Variants in SERPINB10 observed in about 807,000 individuals in gnomAD.
SERPINB10 encodes the protein serpin B10.
SERPINB10 carries 35 observed loss-of-function variants against 39.1 expected under a neutral mutation model. That is an observed-to-expected ratio of 0.90 (90% confidence interval 0.68 to 1.19). SERPINB10 has a LOEUF of 1.19. SERPINB10 is among the 50% of genes most tolerant of loss of function. The probability of loss-of-function intolerance (pLI) is 0.00; values close to 1 mark genes in which losing one functional copy is unlikely to be tolerated. For missense variants in SERPINB10, 546 were observed against 460.5 expected (o/e 1.19, Z -1.70); for synonymous variants, 190 against 158.1 (o/e 1.20, Z -1.52).
intron 5 of SERPINB10, among the ~76,000 whole-genome samples, chr18:63,926,278 G>C (rs1237615479): frequency 6.6e-6 from 1 of 151,816 alleles, no homozygotes; most frequent in East Asian, 1.9e-4. Flanking sequence ...CTTGTTATCT[G>C]TATCTCTCTT....
At chr18:63,911,243 T>G (rs9949197) in intron 1 of SERPINB10, among the ~76,000 whole-genome samples, 48,121 of 151,978 alleles carry the variant, frequency 0.32, 9,937 homozygotes, top group African/African-American at 0.59. Context: ...GTCTGTTTAC[T>G]CTGTTGATAG....
chr18:63,935,431 C>T lies in SERPINB10; in HGVS notation c.*189C>T, dbSNP rs764995261. On this transcript the variant is annotated 3_prime_UTR_variant, in exon 8 of 8. Coordinates refer to ENST00000238508, the MANE Select transcript of SERPINB10 (RefSeq NM_005024.3). ...ATATCTGTACAGCTGGAGAGAATGA[C>T]GATTTTTATTTTTAACACGTTAACA... The T allele has an allele frequency of 2.7e-5, 14 of 527,296 alleles. No homozygotes were observed. Among genetic ancestry groups the T allele is most frequent in the East Asian group, 2.6e-4 (8 of 31,200 alleles). 32.7% of individuals were successfully genotyped at this position (527,296 alleles called of 1,614,324 possible).
At chr18:63,918,982 T>C (rs563171020) in intron 4 of SERPINB10, among the ~76,000 whole-genome samples, 4 of 152,148 alleles carry the variant, frequency 2.6e-5, no homozygotes, top group Admixed American at 2.6e-4. Context: ...AAGTTTTCCT[T>C]TTATTAGATT....
At chr18:63,929,120 A>G (rs924229468) in intron 5 of SERPINB10, among the ~76,000 whole-genome samples, 1 of 152,080 alleles carries the variant, frequency 6.6e-6, no homozygotes, top group Non-Finnish European at 1.5e-5. Flanking sequence ...TCTTTCCAAC[A>G]GCTACAAATA....
intron 1 of SERPINB10, among the ~76,000 whole-genome samples, chr18:63,908,643 C>G (rs868067225): frequency 2.6e-5 from 4 of 151,990 alleles, no homozygotes; most frequent in African/African-American, 9.7e-5. Context: ...ATACTAGGTG[C>G]TCTTCATAAA....
At chr18:63,932,504 T>C (rs979416370) in intron 6 of SERPINB10, among the ~76,000 whole-genome samples, 1 of 152,244 alleles carries the variant, frequency 6.6e-6, no homozygotes, top group African/African-American at 2.4e-5. Context: ...ATGTGCTGTA[T>C]GTCTTCTTTG....
intron 4 of SERPINB10, among the ~76,000 whole-genome samples, chr18:63,919,370 C>A (rs892914410): frequency 1.3e-5 from 2 of 151,796 alleles, no homozygotes; most frequent in African/African-American, 4.8e-5. Flanking sequence ...CAGAAGGAAG[C>A]TACCAGTATC....
intron 5 of SERPINB10, among the ~76,000 whole-genome samples, chr18:63,922,128 C>T (rs1386390641): frequency 6.6e-6 from 1 of 151,944 alleles, no homozygotes; most frequent in Non-Finnish European, 1.5e-5. Context: ...CTTTAAATCA[C>T]ACATAACAGG....
chr18:63,932,277 C>A (rs1253779906), intron 6 of SERPINB10, among the ~76,000 whole-genome samples: 1 of 152,150 alleles, frequency 6.6e-6, no homozygotes, highest in Non-Finnish European at 1.5e-5. Flanking sequence ...TACCTAGGAA[C>A]AAAATTGCTG....
At chr18:63,910,426 ATAGT>A (rs1215122247) in intron 1 of SERPINB10, among the ~76,000 whole-genome samples, 3 of 151,926 alleles carry the variant, frequency 2.0e-5, no homozygotes, top group Middle Eastern at 3.2e-3. Context: ...ATAGTACCCA[ATAGT>A]TAGTTTTTCA....
chr18:63,924,375 A>G (rs1001455513), intron 5 of SERPINB10, among the ~76,000 whole-genome samples: 1 of 151,954 alleles, frequency 6.6e-6, no homozygotes, highest in African/African-American at 2.4e-5. Flanking sequence ...TCTAGACAGT[A>G]AGCTAATGTA....
intron 5 of SERPINB10, among the ~76,000 whole-genome samples, chr18:63,929,219 G>A (rs1327217776): frequency 6.6e-6 from 1 of 151,960 alleles, no homozygotes; most frequent in Non-Finnish European, 1.5e-5. Context: ...CATCATTTTA[G>A]CCAGTAAATT....
At chr18:63,915,426 T>A in intron 1 of SERPINB10, 76 bp from the exon 2 acceptor site, 1 of 1,083,744 alleles carries the variant, frequency 9.2e-7, no homozygotes, top group Non-Finnish European at 1.3e-6. Context: ...TATGCAACTA[T>A]GAATACATAT....
intron 6 of SERPINB10, 99 bp downstream of exon 6, chr18:63,930,286 A>ACTATGGCTCTTACCAGGGAAGTGATGG: frequency 1.5e-6 from 2 of 1,328,436 alleles, no homozygotes; most frequent in East Asian, 4.6e-5. Context: ...GTTCTAGTGA[A>ACTATGGCTCTTACCAGGGAAGTGATGG]CTATGGCTCT....
chr18:63,912,219 A>T (rs56044463), intron 1 of SERPINB10, among the ~76,000 whole-genome samples: 39,536 of 151,682 alleles, frequency 0.26, 5,807 homozygotes, highest in African/African-American at 0.39. Context: ...AGAATTATAT[A>T]GTCAATGAAG....
chr18:63,928,837 C>T (rs1048451308), intron 5 of SERPINB10, among the ~76,000 whole-genome samples: 1 of 118,906 alleles, frequency 8.4e-6, no homozygotes, highest in African/African-American at 5.0e-5. Context: ...CATGATTTGG[C>T]TCTCTGTCTG....
chr18:63,921,506 A>C (rs1326455451), intron 5 of SERPINB10, among the ~76,000 whole-genome samples: 1 of 151,862 alleles, frequency 6.6e-6, no homozygotes, highest in East Asian at 1.9e-4. Context: ...CTCAGAGTTC[A>C]CTTTTCCTTT....
chr18:63,917,611 C>T, intron 3 of SERPINB10, 90 bp downstream of exon 3: 1 of 716,380 alleles, frequency 1.4e-6, no homozygotes, highest in Middle Eastern at 4.1e-4. Context: ...CAACTTTTAG[C>T]AGGTAATTTT....
chr18:63,929,001 GCTAAA>G (rs533007618), intron 5 of SERPINB10, among the ~76,000 whole-genome samples: 1,529 of 152,278 alleles, frequency 0.01, 7 homozygotes, highest in African/African-American at 0.035. Flanking sequence ...GAGAAACCCA[GCTAAA>G]CCTGCTTTTG....
Sources: gnomAD v4.1 joint callset for allele counts (sites outside exome capture counted in the v4.1 genomes callset) on GRCh38, gnomAD v4.1.1 for gene constraint, MANE v1.5 for transcripts, NCBI Gene and HGNC (gene_info 2026-07-23, HGNC 2026-07-21) for gene names.